The following COL9A1 variants were observed in gnomAD, a reference collection of about 807,000 sequenced individuals.
The protein encoded by COL9A1 is collagen type IX alpha 1 chain.
In COL9A1, 104 loss-of-function variants were observed where a neutral mutation model predicts 142.6. That is an observed-to-expected ratio of 0.73 (90% confidence interval 0.62 to 0.86). The LOEUF is 0.86. Ranked by LOEUF, COL9A1 falls within the 40% of genes least tolerant of loss-of-function variation. COL9A1 has a pLI of 0.00. For missense variants in COL9A1, 1,210 were observed against 1,176.6 expected (o/e 1.03, Z -0.42); for synonymous variants, 466 against 396.0 (o/e 1.18, Z -2.10).
At chr6:70,233,389 CAG>C (rs1293403489) in intron 35 of COL9A1, among the ~76,000 whole-genome samples, 1 of 152,124 alleles carries the variant, frequency 6.6e-6, no homozygotes, top group Admixed American at 6.5e-5. Flanking sequence ...TGGGAATGGT[CAG>C]AGTTAGTCTT....
intron 19 of COL9A1, among the ~76,000 whole-genome samples, chr6:70,261,509 C>T (rs979960519): frequency 5.3e-5 from 8 of 152,142 alleles, no homozygotes; most frequent in Non-Finnish European, 7.4e-5. Context: ...TGCTAACTGT[C>T]CCCATTGGCT....
At chr6:70,288,706 C>T (rs1055794619) in intron 5 of COL9A1, among the ~76,000 whole-genome samples, 8 of 152,104 alleles carry the variant, frequency 5.3e-5, no homozygotes, top group Admixed American at 3.9e-4. Flanking sequence ...TCCTGGAATC[C>T]TCCTCCCCCA....
intron 33 of COL9A1, among the ~76,000 whole-genome samples, chr6:70,236,804 T>G (rs1583227447): frequency 6.6e-6 from 1 of 151,578 alleles, no homozygotes; most frequent in Non-Finnish European, 1.5e-5. Flanking sequence ...GTGCCTAGGG[T>G]GCAAAACTGT....
At chr6:70,287,655 C>T (rs535820855) in intron 5 of COL9A1, among the ~76,000 whole-genome samples, 3 of 152,324 alleles carry the variant, frequency 2.0e-5, no homozygotes, top group East Asian at 1.9e-4. Flanking sequence ...CTCTTGAACC[C>T]ATTCCAGTTG....
rs34147259 is a variant in COL9A1 at position 70,260,548 on chromosome 6, CA to C, written c.1449+108del. On this transcript the variant is annotated intron_variant, in intron 20 of 37. Transcript: ENST00000357250. Reference sequence around the variant, plus strand: ...GGGCAACAAGAGTGAAACTCCATCTCAAAAAAAAAAAAAAAAAAGTTGTTGA... The same window carrying C: ...GGGCAACAAGAGTGAAACTCCATCTCAAAAAAAAAAAAAAAAAGTTGTTGA... 122,951 of 607,254 alleles carry C rather than the reference CA, an allele frequency of 0.2. 404 individuals are homozygous for C. The highest frequency in any genetic ancestry group is 0.23 in the South Asian group (12,575 of 54,154). 37.6% of individuals were successfully genotyped at this position (607,254 alleles called of 1,614,324 possible).
chr6:70,293,663 A>ACACG (rs1773739341), intron 5 of COL9A1, among the ~76,000 whole-genome samples: 1 of 150,308 alleles, frequency 6.7e-6, no homozygotes, highest in African/African-American at 2.5e-5. Flanking sequence ...ACACACACAC[A>ACACG]CACACACACA....
intron 17 of COL9A1, among the ~76,000 whole-genome samples, chr6:70,267,793 C>T (rs1772125334): frequency 6.6e-6 from 1 of 152,160 alleles, no homozygotes; most frequent in Non-Finnish European, 1.5e-5. Flanking sequence ...TGAAAACTGT[C>T]GGAACTTTCA....
intron 28 of COL9A1, among the ~76,000 whole-genome samples, chr6:70,244,679 ATT>A (rs958445136): frequency 6.6e-6 from 1 of 152,118 alleles, no homozygotes; most frequent in Non-Finnish European, 1.5e-5. Context: ...ATTATTATAC[ATT>A]TTTTTCTCTT....
At position 70,252,331 on chromosome 6, in the gene COL9A1, A is replaced by G. The variant is rs758670106; in HGVS notation, c.1765-16T>C. ...CTGTGCTACCCTAAGGGTAAAATGC[A>G]ACATCCAAAATAACTCATGCTGAAG... On this transcript the variant is annotated splice_polypyrimidine_tract_variant and intron_variant, in intron 26 of 37. Coordinates refer to ENST00000357250, the MANE Select transcript of COL9A1 (RefSeq NM_001851.6). The G allele has an allele frequency of 1.9e-6, 3 of 1,612,896 alleles. No homozygotes were observed. The highest frequency in any genetic ancestry group is 2.5e-6 in the Non-Finnish European group (3 of 1,178,822).
chr6:70,298,802 T>C (rs561833878), intron 4 of COL9A1, among the ~76,000 whole-genome samples: 129 of 152,284 alleles, frequency 8.5e-4, no homozygotes, highest in African/African-American at 3.0e-3. Context: ...GGCACTTCCA[T>C]ACATGAAAAG....
chr6:70,220,588 A>G (rs984200310), intron 37 of COL9A1, among the ~76,000 whole-genome samples: 2 of 125,214 alleles, frequency 1.6e-5, no homozygotes, highest in African/African-American at 7.6e-5. Context: ...GCCTTAACAT[A>G]GCAGATTGTC....
At chr6:70,245,451 T>C (rs1212454803) in intron 28 of COL9A1, among the ~76,000 whole-genome samples, 1 of 152,188 alleles carries the variant, frequency 6.6e-6, no homozygotes, top group Non-Finnish European at 1.5e-5. Flanking sequence ...ATGGCACCGG[T>C]AACCACAAGT....
At chr6:70,259,901 A>G (rs1228923814) in intron 20 of COL9A1, among the ~76,000 whole-genome samples, 2 of 152,062 alleles carry the variant, frequency 1.3e-5, no homozygotes, top group East Asian at 3.9e-4. Context: ...CCATAAGTGT[A>G]TAACCCATGC....
chr6:70,260,894 G>A, intron 19 of COL9A1, 184 bp from the exon 20 acceptor site: 5 of 538,468 alleles, frequency 9.3e-6, no homozygotes, highest in South Asian at 5.6e-5. Flanking sequence ...TTCTTCTGAT[G>A]GTAAACCTTT....
chr6:70,270,684 T>C (rs1450932247), intron 14 of COL9A1, among the ~76,000 whole-genome samples: 5 of 152,246 alleles, frequency 3.3e-5, no homozygotes, highest in Admixed American at 2.0e-4. Flanking sequence ...CTTATTTTTC[T>C]GGTTGATTTA....
intron 28 of COL9A1, among the ~76,000 whole-genome samples, chr6:70,249,097 G>C (rs772892193): frequency 9.2e-5 from 14 of 151,700 alleles, no homozygotes; most frequent in Non-Finnish European, 2.9e-5. Flanking sequence ...TCTGAGTAAA[G>C]CCGAAATGAG....
intron 4 of COL9A1, among the ~76,000 whole-genome samples, chr6:70,298,847 T>C (rs570731209): frequency 1.3e-5 from 2 of 152,344 alleles, no homozygotes; most frequent in South Asian, 2.1e-4. Flanking sequence ...TTCACTGTTA[T>C]CATGGTTTTA....
At chr6:70,267,240 A>C (rs1228129213) in intron 17 of COL9A1, among the ~76,000 whole-genome samples, 7 of 151,864 alleles carry the variant, frequency 4.6e-5, no homozygotes, top group Non-Finnish European at 1.5e-5. Flanking sequence ...TGGTGGAGGA[A>C]GGCCTGGTGT....
Position 70,217,073 on chromosome 6 carries a change from C to A in COL9A1, c.2590G>T (p.Gly864Cys). The A allele has an allele frequency of 6.2e-7, 1 of 1,614,012 alleles. No homozygotes were observed. The highest frequency in any genetic ancestry group is 8.5e-7 in the Non-Finnish European group (1 of 1,180,004). ...CCATTTCTGCCATAGCTGGCAGGGC[C>A]TGGGTCACCTGAAACACACAGAAGA... ...PGAIGLPGDP[G>C]PASYGRNGRD... Residue 864 changes from glycine to cysteine, a missense_variant, in exon 38 of 38, where the codon GGC becomes TGC. Transcript: ENST00000357250.
Sources: allele counts gnomAD v4.1 joint callset (sites outside exome capture counted in the v4.1 genomes callset), GRCh38; gene constraint gnomAD v4.1.1; transcripts MANE v1.5; gene names NCBI Gene and HGNC (gene_info 2026-07-23, HGNC 2026-07-21).